Variants in LRBA observed in about 807,000 individuals in gnomAD.
LRBA encodes LPS responsive beige-like anchor protein.
Under a neutral mutation model 330.0 loss-of-function variants are expected in LRBA, and 176 were observed. That is an observed-to-expected ratio of 0.53 (90% CI 0.47 to 0.60). The LOEUF (loss-of-function observed/expected upper bound fraction) is 0.60, where lower values mean the gene tolerates loss of function less well. Among genes scored for constraint, LRBA ranks in the 20% least tolerant of loss-of-function variants. LRBA has a pLI of 0.00. For missense variants in LRBA, 3,259 were observed against 3,444.8 expected, an observed-to-expected ratio of 0.95 and a Z score of 1.35; for synonymous variants, 1,230 against 1,193.0, an observed-to-expected ratio of 1.03 and a Z score of -0.64.
intron 31 of LRBA, 80 bp from the exon 32 acceptor site, chr4:150,808,478 C>G: frequency 1.3e-6 from 1 of 776,792 alleles, no homozygotes; most frequent in Non-Finnish European, 2.2e-6. Context: ...GTCATTATAC[C>G]AGTCAATAAA....
chr4:150,492,925 C>T (rs912029973), intron 40 of LRBA, among the ~76,000 whole-genome samples: 3 of 152,126 alleles, frequency 2.0e-5, no homozygotes, highest in African/African-American at 7.2e-5. Flanking sequence ...AACAACTCAT[C>T]CCACCCCAAA....
At chr4:150,591,966 T>C (rs1772896252) in intron 38 of LRBA, among the ~76,000 whole-genome samples, 1 of 152,108 alleles carries the variant, frequency 6.6e-6, no homozygotes, top group Non-Finnish European at 1.5e-5. Flanking sequence ...ACTTCTAAAT[T>C]GTGATTTGTA....
chr4:150,489,572 TAAG>T (rs1468576536), intron 41 of LRBA, among the ~76,000 whole-genome samples: 48 of 78,482 alleles, frequency 6.1e-4, no homozygotes, highest in African/African-American at 1.9e-3. Context: ...ATATTATATA[TAAG>T]AATATATAAT....
At chr4:150,813,152 T>C (rs1744019337) in intron 31 of LRBA, among the ~76,000 whole-genome samples, 2 of 113,062 alleles carry the variant, frequency 1.8e-5, no homozygotes, top group Non-Finnish European at 3.8e-5. Flanking sequence ...AGACAGACCC[T>C]GTCTCAATTA....
intron 26 of LRBA, among the ~76,000 whole-genome samples, chr4:150,846,839 A>T (rs1183938684): frequency 6.6e-6 from 1 of 152,164 alleles, no homozygotes; most frequent in African/African-American, 2.4e-5. Context: ...ATAAGAACAG[A>T]TGGTACTGGG....
intron 47 of LRBA, among the ~76,000 whole-genome samples, chr4:150,360,538 G>A (rs778633368): frequency 2.6e-5 from 4 of 152,116 alleles, no homozygotes; most frequent in Non-Finnish European, 5.9e-5. Context: ...TCAACTGGAC[G>A]GTGAGGCTTT....
chr4:150,842,852 C>A (rs1161390261), intron 28 of LRBA, among the ~76,000 whole-genome samples: 4 of 151,498 alleles, frequency 2.6e-5, no homozygotes, highest in Non-Finnish European at 4.4e-5. Context: ...ACCTTTTTGG[C>A]ACAAGGGACT....
intron 17 of LRBA, among the ~76,000 whole-genome samples, chr4:150,885,010 A>T (rs1728792779): frequency 1.3e-5 from 2 of 152,114 alleles, no homozygotes; most frequent in South Asian, 4.1e-4. Flanking sequence ...GTACCATTTA[A>T]AAATCAAGGA....
intron 47 of LRBA, among the ~76,000 whole-genome samples, chr4:150,350,974 G>T (rs1246845524): frequency 6.6e-6 from 1 of 152,136 alleles, no homozygotes; most frequent in Non-Finnish European, 1.5e-5. Context: ...TAACAAATTA[G>T]ATTTTGTGGG....
At chr4:150,507,151 C>A (rs1199108752) in intron 40 of LRBA, among the ~76,000 whole-genome samples, 16 of 149,314 alleles carry the variant, frequency 1.1e-4, no homozygotes, top group South Asian at 2.1e-4. Context: ...GGCCATACTG[C>A]CCAAGGTAAT....
At chr4:150,431,718 G>C (rs1750407174) in intron 46 of LRBA, among the ~76,000 whole-genome samples, 1 of 151,854 alleles carries the variant, frequency 6.6e-6, no homozygotes, top group African/African-American at 2.4e-5. Context: ...TTATATTTGT[G>C]GTTTGTATTA....
At chr4:150,828,141 A>C (rs751444099) in intron 30 of LRBA, 39 bp downstream of exon 30, 3 of 1,585,610 alleles carry the variant, frequency 1.9e-6, no homozygotes, top group Non-Finnish European at 2.6e-6. Context: ...CAAGGGTCAG[A>C]TGTAGAAACA....
At chr4:150,923,093 T>C (rs28613861) in intron 4 of LRBA, among the ~76,000 whole-genome samples, 1,930 of 152,018 alleles carry the variant, frequency 0.013, 47 homozygotes, top group African/African-American at 0.044. Flanking sequence ...ATCCAAAATA[T>C]TGTCAACTTA....
intron 37 of LRBA, among the ~76,000 whole-genome samples, chr4:150,613,638 T>C (rs1288402836): frequency 2.0e-5 from 3 of 152,180 alleles, no homozygotes; most frequent in Non-Finnish European, 4.4e-5. Flanking sequence ...GGCCTTACCA[T>C]GGGTAGTTAC....
At chr4:151,002,307 C>T (rs1489811539) in intron 2 of LRBA, among the ~76,000 whole-genome samples, 1 of 151,484 alleles carries the variant, frequency 6.6e-6, no homozygotes, top group Non-Finnish European at 1.5e-5. Context: ...TAGCTCATGC[C>T]TGTAATCCCA....
intron 44 of LRBA, among the ~76,000 whole-genome samples, chr4:150,443,048 CTT>C (rs1752037545): frequency 6.6e-6 from 1 of 152,112 alleles, no homozygotes; most frequent in Admixed American, 6.6e-5. Context: ...TACAACAACT[CTT>C]AATACAAAGA....
chr4:150,528,737 T>C (rs763569458), intron 40 of LRBA, among the ~76,000 whole-genome samples: 2 of 152,104 alleles, frequency 1.3e-5, no homozygotes, highest in African/African-American at 4.8e-5. Context: ...TCTTACTTTG[T>C]TAAAAAGGAA....
At chr4:150,880,356 C>CA (rs1728224791) in intron 17 of LRBA, among the ~76,000 whole-genome samples, 2 of 152,038 alleles carry the variant, frequency 1.3e-5, no homozygotes, top group Non-Finnish European at 1.5e-5. Flanking sequence ...TCTGTCTCTA[C>CA]AAAAAACGCA....
chr4:150,884,993 T>TA (rs1459846396), intron 17 of LRBA, among the ~76,000 whole-genome samples: 3 of 151,920 alleles, frequency 2.0e-5, no homozygotes, highest in East Asian at 3.9e-4. Context: ...ATTCTAGAGA[T>TA]AAAAAAGTAC....
Sources: gnomAD v4.1 joint callset for allele counts (sites outside exome capture counted in the v4.1 genomes callset) on GRCh38, gnomAD v4.1.1 for gene constraint, MANE v1.5 for transcripts, NCBI Gene and HGNC (gene_info 2026-07-23, HGNC 2026-07-21) for gene names.